PEX5L: variants seen among roughly 807,000 people sequenced by gnomAD.
PEX5L encodes the protein PEX5-related protein.
A neutral mutation model predicts 84.0 loss-of-function variants in PEX5L; 30 were observed. That is an observed-to-expected ratio of 0.36 (90% confidence interval 0.27 to 0.48). PEX5L has a LOEUF of 0.48. Among genes scored for constraint, PEX5L ranks in the 20% least tolerant of loss-of-function variants. The pLI, the probability that PEX5L is intolerant of heterozygous loss-of-function variation, is 0.99. For missense variants in PEX5L, 533 were observed against 754.6 expected, an observed-to-expected ratio of 0.71 and a Z score of 3.44; for synonymous variants, 270 against 283.1, an observed-to-expected ratio of 0.95 and a Z score of 0.46.
intron 2 of PEX5L, among the ~76,000 whole-genome samples, chr3:179,942,788 T>C (rs1578758933): frequency 6.6e-6 from 1 of 152,230 alleles, no homozygotes; most frequent in South Asian, 2.1e-4. Context: ...TGACCTGAGC[T>C]AGAACAACCA....
intron 3 of PEX5L, among the ~76,000 whole-genome samples, chr3:179,897,615 A>G (rs1759790050): frequency 6.6e-6 from 1 of 152,112 alleles, no homozygotes; most frequent in Admixed American, 6.6e-5. Context: ...ATGGGGACTC[A>G]GGGACTTCTG....
chr3:179,861,734 G>A (rs1006800828), intron 7 of PEX5L, among the ~76,000 whole-genome samples: 1 of 152,202 alleles, frequency 6.6e-6, no homozygotes, highest in African/African-American at 2.4e-5. Context: ...GGCAAGTAGG[G>A]TCTTAGAGCC....
intron 8 of PEX5L, among the ~76,000 whole-genome samples, chr3:179,840,161 T>TGTGTG (rs1553850431): frequency 2.6e-4 from 32 of 123,762 alleles, no homozygotes; most frequent in Middle Eastern, 4.6e-3. Flanking sequence ...AAGTTGTTTT[T>TGTGTG]TGTGTGTGTG....
intron 2 of PEX5L, among the ~76,000 whole-genome samples, chr3:179,929,368 A>T (rs1226278377): frequency 6.6e-6 from 1 of 152,208 alleles, no homozygotes; most frequent in African/African-American, 2.4e-5. Context: ...CTCATTTAAA[A>T]TTTATTTGAC....
At chr3:179,956,901 GA>G (rs1365231429) in intron 2 of PEX5L, among the ~76,000 whole-genome samples, 1 of 70,910 alleles carries the variant, frequency 1.4e-5, no homozygotes, top group Non-Finnish European at 2.6e-5. Flanking sequence ...TAATGTACAT[GA>G]TTTTTTTTTG....
At chr3:179,915,800 C>T (rs1176149005) in intron 2 of PEX5L, among the ~76,000 whole-genome samples, 7 of 152,186 alleles carry the variant, frequency 4.6e-5, no homozygotes, top group Admixed American at 4.6e-4. Context: ...ACAATTTCTG[C>T]TTCTAAAGAA....
intron 1 of PEX5L, among the ~76,000 whole-genome samples, chr3:179,989,914 A>G (rs1327986349): frequency 6.6e-6 from 1 of 152,216 alleles, no homozygotes; most frequent in Admixed American, 6.5e-5. Flanking sequence ...AATCACATTC[A>G]GGTTTTGCCA....
At chr3:179,845,898 G>T (rs1243431170) in intron 8 of PEX5L, among the ~76,000 whole-genome samples, 1 of 152,182 alleles carries the variant, frequency 6.6e-6, no homozygotes, top group South Asian at 2.1e-4. Context: ...GGCCAGGCGC[G>T]GTGGCTCACG....
chr3:179,979,617 T>C (rs1256565830), intron 1 of PEX5L, among the ~76,000 whole-genome samples: 1 of 152,182 alleles, frequency 6.6e-6, no homozygotes, highest in African/African-American at 2.4e-5. Context: ...TGACGTATTA[T>C]CTTGGATCCC....
intron 10 of PEX5L, among the ~76,000 whole-genome samples, chr3:179,813,715 GCCGGA>G (rs1724846601): frequency 1.4e-5 from 2 of 142,012 alleles, no homozygotes; most frequent in South Asian, 4.4e-4. Context: ...TTTAGCCCAG[GCCGGA>G]CTGCGGATTG....
At chr3:179,855,669 G>A (rs955718991) in intron 8 of PEX5L, among the ~76,000 whole-genome samples, 1 of 152,160 alleles carries the variant, frequency 6.6e-6, no homozygotes, top group Admixed American at 6.5e-5. Context: ...AAGAGGTAGG[G>A]CCTTTGGGAG....
intron 2 of PEX5L, among the ~76,000 whole-genome samples, chr3:179,904,344 T>C (rs1420395456): frequency 3.3e-5 from 5 of 152,242 alleles, no homozygotes; most frequent in Non-Finnish European, 4.4e-5. Flanking sequence ...CATTTGTGTT[T>C]TGTGTTAATT....
intron 1 of PEX5L, among the ~76,000 whole-genome samples, chr3:179,999,559 C>T (rs546196345): frequency 6.2e-4 from 95 of 152,280 alleles, no homozygotes; most frequent in Non-Finnish European, 1.3e-3. Context: ...CAGCCAGCTA[C>T]CTGGTGGCAG....
chr3:180,005,321 T>C (rs1788783109), intron 1 of PEX5L, among the ~76,000 whole-genome samples: 1 of 152,080 alleles, frequency 6.6e-6, no homozygotes, highest in Non-Finnish European at 1.5e-5. Context: ...AGTACAGTGG[T>C]ACAATCATAT....
intron 2 of PEX5L, among the ~76,000 whole-genome samples, chr3:179,951,220 T>A (rs1779000140): frequency 6.6e-6 from 1 of 152,236 alleles, no homozygotes; most frequent in African/African-American, 2.4e-5. Flanking sequence ...GGTCACTGAC[T>A]TTAGAGAAGA....
chr3:179,811,409 T>A (rs1723800393), intron 11 of PEX5L, among the ~76,000 whole-genome samples: 1 of 152,164 alleles, frequency 6.6e-6, no homozygotes, highest in Admixed American at 6.5e-5. Flanking sequence ...ACACACCCAC[T>A]GTTCCCATCC....
intron 2 of PEX5L, among the ~76,000 whole-genome samples, chr3:179,965,997 C>A (rs533185106): frequency 1.3e-5 from 2 of 152,268 alleles, no homozygotes; most frequent in East Asian, 3.9e-4. Flanking sequence ...ATTGATTGGA[C>A]TGCAACAGTG....
At chr3:179,816,820 A>G (rs1160056298) in intron 9 of PEX5L, among the ~76,000 whole-genome samples, 2 of 151,590 alleles carry the variant, frequency 1.3e-5, no homozygotes, top group African/African-American at 2.4e-5. Flanking sequence ...TATTATGAAT[A>G]TAGTACATTT....
At chr3:179,890,835 ATAG>A (rs1318109667) in intron 3 of PEX5L, among the ~76,000 whole-genome samples, 1 of 151,912 alleles carries the variant, frequency 6.6e-6, no homozygotes, top group African/African-American at 2.4e-5. Context: ...CATAAAAACT[ATAG>A]TCTAAATTTG....
Sources: gnomAD v4.1 joint callset for allele counts (sites outside exome capture counted in the v4.1 genomes callset) on GRCh38, gnomAD v4.1.1 for gene constraint, MANE v1.5 for transcripts, NCBI Gene and HGNC (gene_info 2026-07-23, HGNC 2026-07-21) for gene names.